Variants in CADM2 observed in about 807,000 individuals in gnomAD.
CADM2 encodes the protein cell adhesion molecule 2, also known as immunoglobulin superfamily member 4D.
In CADM2, 12 loss-of-function variants were observed where a neutral mutation model predicts 49.8. The ratio of observed to expected loss-of-function variants is 0.24; its 90% confidence interval spans 0.15 to 0.39. The LOEUF (loss-of-function observed/expected upper bound fraction) is 0.39. Ranked by LOEUF, CADM2 falls within the 10% of genes least tolerant of loss-of-function variation. CADM2 has a pLI of 1.00. For missense variants in CADM2, 378 were observed against 492.3 expected, an observed-to-expected ratio of 0.77 and a Z score of 2.20; for synonymous variants, 214 against 175.4, an observed-to-expected ratio of 1.22 and a Z score of -1.74.
chr3:85,166,401 G>C (rs1576024902), intron 1 of CADM2, among the ~76,000 whole-genome samples: 1 of 151,620 alleles, frequency 6.6e-6, no homozygotes, highest in East Asian at 1.9e-4. Flanking sequence ...TGATATATGA[G>C]AATCAAGATT....
intron 1 of CADM2, among the ~76,000 whole-genome samples, chr3:85,153,349 C>T (rs918323332): frequency 6.6e-6 from 1 of 152,246 alleles, no homozygotes; most frequent in Non-Finnish European, 1.5e-5. Context: ...AATTGGGTCA[C>T]TGCCACCCGA....
At chr3:85,963,350 T>C (rs1725075962) in intron 8 of CADM2, among the ~76,000 whole-genome samples, 1 of 151,932 alleles carries the variant, frequency 6.6e-6, no homozygotes, top group South Asian at 2.1e-4. Flanking sequence ...GTAATCCCTG[T>C]AGACAGACCC....
intron 1 of CADM2, among the ~76,000 whole-genome samples, chr3:84,983,798 T>C (rs1461667212): frequency 3.3e-5 from 5 of 152,132 alleles, no homozygotes; most frequent in African/African-American, 1.2e-4. Context: ...TGCATTACGA[T>C]TTTTATTTTT....
chr3:85,857,356 T>C (rs2075356807), intron 3 of CADM2, among the ~76,000 whole-genome samples: 1 of 152,104 alleles, frequency 6.6e-6, no homozygotes, highest in Non-Finnish European at 1.5e-5. Flanking sequence ...AAGATACTAG[T>C]CAAAATGTCC....
chr3:85,515,631 ATTT>A (rs1553734357), intron 1 of CADM2, among the ~76,000 whole-genome samples: 2 of 118,406 alleles, frequency 1.7e-5, no homozygotes, highest in African/African-American at 6.7e-5. Flanking sequence ...ATATATATAT[ATTT>A]TTTTTTTTTG....
intron 1 of CADM2, among the ~76,000 whole-genome samples, chr3:85,370,250 A>ATAATAATAG (rs2033121406): frequency 6.8e-6 from 1 of 147,190 alleles, no homozygotes; most frequent in African/African-American, 2.5e-5. Flanking sequence ...AATAATAATA[A>ATAATAATAG]TAATAATAAA....
At chr3:85,364,484 A>C (rs1012737379) in intron 1 of CADM2, among the ~76,000 whole-genome samples, 9 of 152,320 alleles carry the variant, frequency 5.9e-5, no homozygotes, top group Admixed American at 4.6e-4. Context: ...CTACAAGGAC[A>C]TAAGAGCTCG....
At chr3:85,687,467 AATATG>A (rs1353343258) in intron 1 of CADM2, among the ~76,000 whole-genome samples, 1 of 152,176 alleles carries the variant, frequency 6.6e-6, no homozygotes, top group Non-Finnish European at 1.5e-5. Flanking sequence ...TAAAGGGAAA[AATATG>A]ATAGAATGAA....
rs190151631 is a variant in CADM2 at position 85,961,881 on chromosome 3, A to G, written c.970+234A>G. Among the ~76,000 whole-genome samples, 331 of 152,052 alleles carry G rather than the reference A, an allele frequency of 2.2e-3. 1 individual carries two copies. The highest frequency in any genetic ancestry group is 3.7e-3 in the Non-Finnish European group (251 of 67,938). ...TTTTTTGTAAAAAGCTTTCTCAATT[A>G]TAAATATACTTCTTACATGTTGGCT... On this transcript the variant is annotated intron_variant, in intron 8 of 9. Transcript: ENST00000383699.
At chr3:86,051,568 A>G (rs1349637856) in intron 8 of CADM2, among the ~76,000 whole-genome samples, 1 of 152,172 alleles carries the variant, frequency 6.6e-6, no homozygotes, top group African/African-American at 2.4e-5. Context: ...ATTGCTATAA[A>G]TACCCGAGAC....
At chr3:85,585,133 A>G (rs2107314415) in intron 1 of CADM2, among the ~76,000 whole-genome samples, 1 of 152,040 alleles carries the variant, frequency 6.6e-6, no homozygotes, top group South Asian at 2.1e-4. Flanking sequence ...TGCCTCTCGG[A>G]TCCTGAATCA....
chr3:85,880,795 G>A (rs192079413), intron 3 of CADM2, among the ~76,000 whole-genome samples: 1 of 152,270 alleles, frequency 6.6e-6, no homozygotes, highest in East Asian at 1.9e-4. Flanking sequence ...CATCTGACAG[G>A]AGGTGGAGCT....
intron 1 of CADM2, among the ~76,000 whole-genome samples, chr3:85,349,138 C>T (rs2107229733): frequency 6.6e-6 from 1 of 152,278 alleles, no homozygotes; most frequent in South Asian, 2.1e-4. Context: ...TAAATGCCAT[C>T]TTTTATCTCC....
intron 2 of CADM2, among the ~76,000 whole-genome samples, chr3:85,761,190 T>C (rs2069353273): frequency 6.6e-6 from 1 of 152,096 alleles, no homozygotes; most frequent in African/African-American, 2.4e-5. Flanking sequence ...TGTGTCCTTC[T>C]GTTTGGGACA....
intron 1 of CADM2, among the ~76,000 whole-genome samples, chr3:85,206,452 C>T (rs977029400): frequency 4.6e-5 from 7 of 151,770 alleles, no homozygotes; most frequent in Admixed American, 1.3e-4. Flanking sequence ...GGACTACAGG[C>T]GCCCGTCACC....
At chr3:85,106,580 T>G (rs1027816975) in intron 1 of CADM2, among the ~76,000 whole-genome samples, 4 of 152,170 alleles carry the variant, frequency 2.6e-5, no homozygotes, top group Non-Finnish European at 4.4e-5. Flanking sequence ...TAAAGATTAA[T>G]AAGGCACAAG....
At chr3:85,662,649 G>A (rs2065445638) in intron 1 of CADM2, among the ~76,000 whole-genome samples, 1 of 152,016 alleles carries the variant, frequency 6.6e-6, no homozygotes, top group South Asian at 2.1e-4. Flanking sequence ...TTCTTTGCCT[G>A]AGGACTTTGC....
At chr3:85,556,030 T>C (rs73133799) in intron 1 of CADM2, among the ~76,000 whole-genome samples, 77,349 of 151,432 alleles carry the variant, frequency 0.51, 22,774 homozygotes, top group East Asian at 0.85. Context: ...TCAGGGGCAT[T>C]GACCCCCATG....
chr3:85,360,746 G>A (rs1189921322), intron 1 of CADM2, among the ~76,000 whole-genome samples: 3 of 152,012 alleles, frequency 2.0e-5, no homozygotes, highest in African/African-American at 7.3e-5. Flanking sequence ...GCCCTGGTCC[G>A]AATCCTCTTT....
Sources: gnomAD v4.1 joint callset for allele counts (sites outside exome capture counted in the v4.1 genomes callset) on GRCh38, gnomAD v4.1.1 for gene constraint, MANE v1.5 for transcripts, NCBI Gene and HGNC (gene_info 2026-07-23, HGNC 2026-07-21) for gene names.